The following LLGL2 variants were observed in gnomAD, a reference collection of about 807,000 sequenced individuals.
LLGL2 encodes LLGL scribble cell polarity complex component 2.
LLGL2 carries 81 observed loss-of-function variants against 123.2 expected under a neutral mutation model. The observed-to-expected ratio is 0.66, with a 90% CI of 0.55 to 0.79. LLGL2 has a LOEUF of 0.79. LLGL2 is among the 30% of genes least tolerant of loss of function. The pLI is 0.00. For synonymous variants in LLGL2, 577 were observed against 594.1 expected, an observed-to-expected ratio of 0.97 and a Z score of 0.42; for missense variants, 1,273 against 1,414.6, an observed-to-expected ratio of 0.90 and a Z score of 1.61.
chr17:75,571,591 GGA>G, intron 17 of LLGL2, 74 bp from the exon 18 acceptor site: 1 of 1,089,362 alleles, frequency 9.2e-7, no homozygotes, highest in East Asian at 2.4e-5. Context: ...GGAAAACCTG[GGA>G]GTAAACCCTG....
intron 9 of LLGL2, 136 bp downstream of exon 9, chr17:75,563,942 G>T (rs1029989601): frequency 3.5e-6 from 3 of 849,176 alleles, no homozygotes; most frequent in Admixed American, 4.1e-5. Flanking sequence ...ACACCAGGGA[G>T]GGGAGACAGG....
chr17:75,543,409 G>T lies in LLGL2; in HGVS notation c.-18G>T, dbSNP rs757175023. ...TCTGTTTCTCCAGGTCTCCAGTGGGGGCTGCAGACTAAGCAAAATGAGGCG... is the reference window on the plus strand; with the variant it reads ...TCTGTTTCTCCAGGTCTCCAGTGGGTGCTGCAGACTAAGCAAAATGAGGCG... On this transcript the variant is annotated 5_prime_UTR_variant, in exon 2 of 26. Coordinates refer to ENST00000392550, the MANE Select transcript of LLGL2 (RefSeq NM_001031803.2). 2 of 1,601,694 alleles carry T rather than the reference G, an allele frequency of 1.2e-6. No individual in the cohort carries two copies. The highest frequency in any genetic ancestry group is 1.7e-6 in the Non-Finnish European group (2 of 1,172,696).
chr17:75,552,113 G>A (rs1328191328), intron 2 of LLGL2, among the ~76,000 whole-genome samples: 1 of 137,700 alleles, frequency 7.3e-6, no homozygotes, highest in African/African-American at 2.5e-5. Context: ...AGGTGACAGA[G>A]GGAGACTCTG....
chr17:75,568,078 G>A, intron 10 of LLGL2: 2 of 1,097,430 alleles, frequency 1.8e-6, no homozygotes, highest in Non-Finnish European at 2.2e-6. Flanking sequence ...AGCAACTGGT[G>A]TGCTGAAGAC....
chr17:75,569,015 G>A lies in LLGL2; in HGVS notation c.1360G>A (p.Gly454Ser). Residue 454 changes from glycine (G) to serine (S), a missense_variant, in exon 13 of 26, where the codon GGT becomes AGT. Gly to Ser is a moderately conservative substitution (Grantham distance 56). Transcript: ENST00000392550. ...CACGGTGCGGTTCTGGGATGCCTCG[G>A]GTGTCTGCCTGCGGCTGCTCTACAA... ...DGTVRFWDASGVCLRLLYKLS... is the reference protein window; with the variant it reads ...DGTVRFWDASSVCLRLLYKLS... 1 of 1,613,306 alleles carries A rather than the reference G, an allele frequency of 6.2e-7. No homozygotes were observed. Among genetic ancestry groups the A allele is most frequent in the Non-Finnish European group, 8.5e-7 (1 of 1,179,792 alleles).
rs149668354 is a variant in LLGL2, at chr17:75,563,390, C to T, written c.753C>T (p.Asp251=). 544 of 1,612,902 alleles carry T rather than the reference C, an allele frequency of 3.4e-4. 5 individuals are homozygous for T. In the South Asian group the frequency reaches 5.3e-3, roughly 16 times the overall value. The change falls in exon 8 of 26, where the codon GAC becomes GAT. Residue 251 remains aspartate (D), a synonymous_variant. Coordinates refer to ENST00000392550, the MANE Select transcript of LLGL2 (RefSeq NM_001031803.2). ...GCCTGCTCGTCAGCTGTCACTCTGA[C>T]GGCAGCTACTGCCAGTGGCCCGTGT... The part of the protein sequence containing the change: ...DGRLLVSCHS[D]GSYCQWPVSS...
chr17:75,532,967 TAGTC>T (rs2053857921), intron 1 of LLGL2, among the ~76,000 whole-genome samples: 1 of 152,186 alleles, frequency 6.6e-6, no homozygotes, highest in African/African-American at 2.4e-5. Flanking sequence ...AGTTAATCCC[TAGTC>T]AGTCTTAACT....
In LLGL2 at chr17:75,549,237, G is replaced by A. The variant is rs201458140; in HGVS notation, c.75+5736G>A. On this transcript the variant is annotated intron_variant, in intron 2 of 25. Transcript: ENST00000392550. The surrounding 1 kb of genome is among the most constrained non-coding windows in gnomAD (Gnocchi z 4.0). ...TGCAGCACCAGGACAGGGCCACTGA[G>A]GACCAAGGGAAGGAACCATGGGACC... Among the ~76,000 whole-genome samples, 7 of 152,196 alleles carry A rather than the reference G, an allele frequency of 4.6e-5. No individual in the cohort carries two copies. The East Asian group carries it at 1.2e-3, about 25-fold the overall frequency.
At chr17:75,573,417 C>T (rs540865119) in intron 20 of LLGL2, 64 bp from the exon 21 acceptor site, 2 of 1,579,412 alleles carry the variant, frequency 1.3e-6, no homozygotes, top group South Asian at 1.1e-5. Context: ...CCCTACTCCC[C>T]CAGGTGGGGA....
intron 2 of LLGL2, among the ~76,000 whole-genome samples, chr17:75,553,106 T>C (rs1598574676): frequency 6.6e-6 from 1 of 152,344 alleles, no homozygotes; most frequent in South Asian, 2.1e-4. Flanking sequence ...TCCCACTGTC[T>C]ACTCCCCTTT....
chr17:75,560,084 G>T (rs1223967605), intron 6 of LLGL2, among the ~76,000 whole-genome samples: 1 of 152,174 alleles, frequency 6.6e-6, no homozygotes, highest in African/African-American at 2.4e-5. Context: ...GCCCTGCAAG[G>T]CTTTGGACTG....
intron 22 of LLGL2, 64 bp downstream of exon 22, chr17:75,574,044 C>T (rs1169378887): frequency 3.5e-5 from 55 of 1,550,104 alleles, no homozygotes; most frequent in Non-Finnish European, 4.3e-5. Context: ...TGGGGCTGGA[C>T]GGGAGGGAAG....
intron 1 of LLGL2, among the ~76,000 whole-genome samples, chr17:75,527,567 CTT>C (rs908248753): frequency 8.6e-5 from 13 of 151,658 alleles, no homozygotes; most frequent in Admixed American, 6.6e-4. Context: ...AAAAAAGTAA[CTT>C]TTTTCTCTTT....
rs371172844 is a variant in LLGL2 at position 75,574,506 on chromosome 17, G to A, written c.2996+11G>A. The A allele has an allele frequency of 8.9e-6, 14 of 1,564,436 alleles. No homozygotes were observed. The highest frequency in any genetic ancestry group is 4.8e-5 in the East Asian group (2 of 42,044). On this transcript the variant is annotated intron_variant, in intron 24 of 25. Coordinates refer to ENST00000392550, the MANE Select transcript of LLGL2 (RefSeq NM_001031803.2). Reference sequence around the variant, plus strand: ...GGAGGGAGACCGCGGGTGAGGCACCGCCCAGGCCAGCTGGGGTGGGCCCGA... The same window carrying A: ...GGAGGGAGACCGCGGGTGAGGCACCACCCAGGCCAGCTGGGGTGGGCCCGA...
At chr17:75,555,694 C>T (rs890368770) in intron 2 of LLGL2, among the ~76,000 whole-genome samples, 1 of 152,146 alleles carries the variant, frequency 6.6e-6, no homozygotes, top group Non-Finnish European at 1.5e-5. Flanking sequence ...CCCTACTTTC[C>T]CCACCCCACA....
At chr17:75,548,206 C>T (rs558953898) in intron 2 of LLGL2, among the ~76,000 whole-genome samples, 3 of 152,134 alleles carry the variant, frequency 2.0e-5, no homozygotes, top group South Asian at 2.1e-4. Context: ...AGGGATATTC[C>T]GCCTGTACTT....
At position 75,569,342 on chromosome 17, in the gene LLGL2, G is replaced by A. The variant is rs761712480; in HGVS notation, c.1581+17G>A. On this transcript the variant is annotated intron_variant, in intron 14 of 25. Coordinates refer to ENST00000392550, the MANE Select transcript of LLGL2 (RefSeq NM_001031803.2). ...GCAGGGCAGGTAGCAGGCTGGGCTGGGGAGGGGGAGCTGGGGAGGAGTGGT... is the reference window on the plus strand; with the variant it reads ...GCAGGGCAGGTAGCAGGCTGGGCTGAGGAGGGGGAGCTGGGGAGGAGTGGT... The A allele has an allele frequency of 1.3e-6, 2 of 1,598,312 alleles. No individual in the cohort carries two copies. Among genetic ancestry groups the A allele is most frequent in the African/African-American group, 1.3e-5 (1 of 74,592 alleles).
At chr17:75,543,541 C>A in intron 2 of LLGL2, 40 bp downstream of exon 2, 1 of 1,570,990 alleles carries the variant, frequency 6.4e-7, no homozygotes, top group South Asian at 1.1e-5. Context: ...CCCAGGTTTT[C>A]GGCCAAGCAG....
At chr17:75,569,890 C>A in intron 14 of LLGL2, 73 bp from the exon 15 acceptor site, 1 of 1,480,544 alleles carries the variant, frequency 6.8e-7, no homozygotes. Context: ...CTTTGCTGTC[C>A]CCACTAGTAG....
Sources: allele counts gnomAD v4.1 joint callset (sites outside exome capture counted in the v4.1 genomes callset), GRCh38; gene constraint gnomAD v4.1.1; non-coding constraint Gnocchi (gnomAD v3.1); transcripts MANE v1.5; gene names NCBI Gene and HGNC (gene_info 2026-07-23, HGNC 2026-07-21).